Variants in NRXN1 observed in about 807,000 individuals in gnomAD.
The protein encoded by NRXN1 is neurexin-1.
In NRXN1, 39 loss-of-function variants were observed where a neutral mutation model predicts 150.9. The ratio of observed to expected loss-of-function variants is 0.26; its 90% confidence interval spans 0.20 to 0.34. The LOEUF (loss-of-function observed/expected upper bound fraction) is 0.34, where lower values mean the gene tolerates loss of function less well. NRXN1 is among the 10% of genes least tolerant of loss of function. NRXN1 has a pLI of 1.00. For missense variants in NRXN1, 1,815 were observed against 1,949.9 expected, an observed-to-expected ratio of 0.93 and a Z score of 1.30; for synonymous variants, 924 against 757.0, an observed-to-expected ratio of 1.22 and a Z score of -3.62.
intron 18 of NRXN1, among the ~76,000 whole-genome samples, chr2:50,230,022 T>C (rs556971934): frequency 6.6e-6 from 1 of 151,422 alleles, no homozygotes; most frequent in South Asian, 2.1e-4. Context: ...TCAAAAGGAG[T>C]AGTGATCACA....
chr2:49,948,535 A>C (rs146123340), intron 21 of NRXN1, among the ~76,000 whole-genome samples: 251 of 152,192 alleles, frequency 1.6e-3, no homozygotes, highest in African/African-American at 5.7e-3. Context: ...AGAATAAAAG[A>C]CCTCAAATCA....
chr2:50,233,145 A>C (rs951412635), intron 18 of NRXN1, among the ~76,000 whole-genome samples: 4 of 152,102 alleles, frequency 2.6e-5, no homozygotes, highest in African/African-American at 7.2e-5. Context: ...AAATTCTTTC[A>C]GAAAATATTT....
chr2:50,153,647 A>G (rs1397533516), intron 18 of NRXN1, among the ~76,000 whole-genome samples: 1 of 151,776 alleles, frequency 6.6e-6, no homozygotes, highest in African/African-American at 2.4e-5. Context: ...TTTCCTCTGC[A>G]TATGCAGTTG....
Position 50,925,882 on chromosome 2 carries a change from G to C in NRXN1, c.790+56C>G, listed in dbSNP as rs894296669. On this transcript the variant is annotated intron_variant, in intron 3 of 22. Transcript: ENST00000401669. Reference sequence around the variant, plus strand: ...TCTAACTTCAAGATGTACCCTATTAGTACTAAGAAATAAAGGACAAATGAG... The same window carrying C: ...TCTAACTTCAAGATGTACCCTATTACTACTAAGAAATAAAGGACAAATGAG... The C allele has an allele frequency of 2.4e-5, 33 of 1,360,612 alleles. No individual in the cohort carries two copies. In the South Asian group the frequency reaches 3.7e-4, roughly 15 times the overall value. The allele number at this position is 1,360,612 out of a possible 1,614,324, so 84.3% of individuals were successfully genotyped here.
chr2:50,747,040 G>C (rs758496544), intron 5 of NRXN1, among the ~76,000 whole-genome samples: 2 of 152,108 alleles, frequency 1.3e-5, no homozygotes, highest in Admixed American at 6.6e-5. Flanking sequence ...ATGCAAAAAT[G>C]AACCCAGTTC....
intron 21 of NRXN1, among the ~76,000 whole-genome samples, chr2:49,975,160 T>A (rs753843158): frequency 4.6e-5 from 7 of 151,412 alleles, no homozygotes; most frequent in African/African-American, 7.3e-5. Flanking sequence ...GGGTAGGCTA[T>A]AAGTGATGAG....
chr2:50,349,511 T>G (rs976794635), intron 17 of NRXN1, among the ~76,000 whole-genome samples: 1 of 152,236 alleles, frequency 6.6e-6, no homozygotes, highest in African/African-American at 2.4e-5. Context: ...TTTCATAGTG[T>G]TAGCATGGAA....
At chr2:49,990,828 C>G (rs888051387) in intron 21 of NRXN1, among the ~76,000 whole-genome samples, 2 of 152,094 alleles carry the variant, frequency 1.3e-5, no homozygotes, top group East Asian at 3.9e-4. Context: ...GCACTATTAG[C>G]AAGCTTCAAA....
At chr2:50,771,535 G>T (rs1347486156) in intron 5 of NRXN1, among the ~76,000 whole-genome samples, 3 of 152,054 alleles carry the variant, frequency 2.0e-5, no homozygotes, top group Non-Finnish European at 4.4e-5. Flanking sequence ...AGAATAAATA[G>T]TAGAGGAGGA....
chr2:50,432,504 C>CT (rs1037828518), intron 17 of NRXN1, among the ~76,000 whole-genome samples: 16 of 152,196 alleles, frequency 1.1e-4, no homozygotes, highest in African/African-American at 3.9e-4. Flanking sequence ...TTCTATACTT[C>CT]TTTCCTGTTA....
chr2:50,530,693 T>C (rs910939604), intron 11 of NRXN1, among the ~76,000 whole-genome samples: 49 of 152,148 alleles, frequency 3.2e-4, no homozygotes, highest in African/African-American at 1.2e-3. Context: ...CGCTGTTTGA[T>C]AGCAAAATAC....
chr2:50,928,774 C>T (rs913964611), intron 2 of NRXN1, among the ~76,000 whole-genome samples: 2 of 152,038 alleles, frequency 1.3e-5, no homozygotes. Context: ...TACCTGTGGA[C>T]ACTGTCAAGT....
intron 5 of NRXN1, among the ~76,000 whole-genome samples, chr2:50,866,880 A>G (rs1013153386): frequency 2.6e-5 from 4 of 151,904 alleles, no homozygotes; most frequent in African/African-American, 9.7e-5. Context: ...GTCTGATGAG[A>G]TGAGCACAGG....
chr2:50,774,347 G>A (rs887466552), intron 5 of NRXN1, among the ~76,000 whole-genome samples: 2 of 152,076 alleles, frequency 1.3e-5, no homozygotes, highest in African/African-American at 2.4e-5. Context: ...ACACATTACA[G>A]ATGAGTTGAT....
At chr2:50,104,098 T>C (rs1482395750) in intron 18 of NRXN1, among the ~76,000 whole-genome samples, 2 of 152,018 alleles carry the variant, frequency 1.3e-5, no homozygotes, top group Admixed American at 6.6e-5. Flanking sequence ...GAATAAGGGA[T>C]AGTGTTTGTG....
chr2:50,490,310 C>T (rs189351888), intron 15 of NRXN1, among the ~76,000 whole-genome samples: 6 of 152,258 alleles, frequency 3.9e-5, no homozygotes, highest in East Asian at 1.9e-4. Context: ...TCTGGCATGG[C>T]GTTCAGGGCC....
At chr2:50,318,299 A>G (rs989246881) in intron 17 of NRXN1, among the ~76,000 whole-genome samples, 1 of 152,162 alleles carries the variant, frequency 6.6e-6, no homozygotes, top group African/African-American at 2.4e-5. Context: ...AAAAAATTTA[A>G]AAGTTTAGAT....
intron 2 of NRXN1, among the ~76,000 whole-genome samples, chr2:51,008,318 C>G (rs1297851205): frequency 6.6e-6 from 1 of 151,904 alleles, no homozygotes; most frequent in Non-Finnish European, 1.5e-5. Flanking sequence ...TCCATAGAAC[C>G]TGCCTGAGCT....
chr2:50,352,287 C>T (rs1051062309), intron 17 of NRXN1, among the ~76,000 whole-genome samples: 10 of 152,018 alleles, frequency 6.6e-5, no homozygotes, highest in African/African-American at 2.4e-4. Context: ...AAGGACAGGC[C>T]ATTTCAAGTT....
Sources: gnomAD v4.1 joint callset for allele counts (sites outside exome capture counted in the v4.1 genomes callset) on GRCh38, gnomAD v4.1.1 for gene constraint, MANE v1.5 for transcripts, NCBI Gene and HGNC (gene_info 2026-07-23, HGNC 2026-07-21) for gene names.